The following UGT1A7 variants were observed in gnomAD, a reference collection of about 807,000 sequenced individuals.
The protein encoded by UGT1A7 is UDP-glucuronosyltransferase 1A7.
Under a neutral mutation model 45.6 loss-of-function variants are expected in UGT1A7, and 33 were observed. The observed-to-expected ratio is 0.72, with a 90% CI of 0.55 to 0.97. The LOEUF (loss-of-function observed/expected upper bound fraction) is 0.97. Among genes scored for constraint, UGT1A7 ranks in the 50% least tolerant of loss-of-function variants. The pLI, the probability that UGT1A7 is intolerant of heterozygous loss-of-function variation, is 0.00. For missense variants in UGT1A7, 684 were observed against 666.2 expected (o/e 1.03, Z -0.29); for synonymous variants, 274 against 250.6 (o/e 1.09, Z -0.88).
chr2:233,765,338 A>G lies in UGT1A7; in HGVS notation c.856-1696A>G, dbSNP rs1698804627. On this transcript the variant is annotated intron_variant, in intron 1 of 4. Transcript: ENST00000373426. ...TTATTGCAGCACTATTCACAATAAC[A>G]AAGTCATGGAACCAACCCAGATGCC... Among the ~76,000 whole-genome samples the G allele has an allele frequency of 3.9e-5, 6 of 152,242 alleles. No individual in the cohort carries two copies. In the South Asian group the frequency reaches 1.0e-3, roughly 26 times the overall value.
chr2:233,738,821 A>C (rs1039985874), intron 1 of UGT1A7: 1 of 152,270 alleles, frequency 6.6e-6, no homozygotes, highest in African/African-American at 2.4e-5. Context: ...AATTTGAATA[A>C]ATAAGGAGGA....
chr2:233,733,687 G>A (rs906292331), intron 1 of UGT1A7, among the ~76,000 whole-genome samples: 3 of 152,194 alleles, frequency 2.0e-5, no homozygotes, highest in African/African-American at 7.2e-5. Context: ...ACTTTTTGAT[G>A]TGCTGCTGGA....
chr2:233,751,938 T>C (rs1430674262), intron 1 of UGT1A7, among the ~76,000 whole-genome samples: 3 of 152,190 alleles, frequency 2.0e-5, no homozygotes, highest in South Asian at 2.1e-4. Flanking sequence ...ATTGAAGTTA[T>C]ACTGAAAGGG....
At chr2:233,690,675 G>T in intron 1 of UGT1A7, 2 of 1,262,130 alleles carry the variant, frequency 1.6e-6, no homozygotes, top group Non-Finnish European at 2.0e-6. Context: ...GGCAGGCCTG[G>T]GTCTCCAGCG....
At chr2:233,743,637 G>A (rs375962177) in intron 1 of UGT1A7, 6 of 1,367,294 alleles carry the variant, frequency 4.4e-6, no homozygotes, top group East Asian at 9.1e-5. Context: ...GCTGGGTCGC[G>A]GAAGCTGAAG....
In UGT1A7 at chr2:233,682,581, A is replaced by G. The variant is rs1415178674; in HGVS notation, c.644A>G (p.Glu215Gly). ...GTATGGAACCACATCATGCACTTGG[A>G]GGAACATTTATTTTGCCCCTATTTT... is the stretch of plus-strand genomic sequence containing the variant. The part of the protein sequence containing the change: ...ERVWNHIMHL[E>G]EHLFCPYFFK... Residue 215 changes from glutamate to glycine, a missense_variant, in exon 1 of 5, where the codon GAG becomes GGG. Transcript: ENST00000373426. 2.2e-5 allele frequency: 36 copies of G among 1,613,826 alleles called. No individual in the cohort carries two copies. Among genetic ancestry groups the G allele is most frequent in the Non-Finnish European group, 2.7e-5 (32 of 1,179,846 alleles).
chr2:233,762,039 CTG>C (rs1484213771), intron 1 of UGT1A7, among the ~76,000 whole-genome samples: 1 of 152,090 alleles, frequency 6.6e-6, no homozygotes, highest in Non-Finnish European at 1.5e-5. Flanking sequence ...TTTTAATTTT[CTG>C]TGCATTTTCC....
intron 1 of UGT1A7, chr2:233,743,896 C>A: frequency 3.7e-6 from 5 of 1,366,934 alleles, no homozygotes; most frequent in Non-Finnish European, 4.9e-6. Flanking sequence ...GCACGTCCAG[C>A]ACCTCGTAGT....
rs375974892 is a variant in UGT1A7 at position 233,760,864 on chromosome 2, G to A, written c.856-6170G>A. The A allele has an allele frequency of 8.0e-5, 129 of 1,613,862 alleles. No individual in the cohort carries two copies. Among genetic ancestry groups the A allele is most frequent in the Non-Finnish European group, 9.2e-5 (109 of 1,179,976 alleles). ...CCAGTGCCCCAACCCATTCTCCTAC[G>A]TGCCCAGGCCTCTCTCCTCTCATTC... is the stretch of plus-strand genomic sequence containing the variant. On this transcript the variant is annotated intron_variant, in intron 1 of 4. Coordinates refer to ENST00000373426, the MANE Select transcript of UGT1A7 (RefSeq NM_019077.3).
At chr2:233,699,814 A>G (rs2075525591) in intron 1 of UGT1A7, among the ~76,000 whole-genome samples, 1 of 152,256 alleles carries the variant, frequency 6.6e-6, no homozygotes, top group Non-Finnish European at 1.5e-5. Flanking sequence ...TCATCTAAAT[A>G]GTAGTTCTCA....
rs774677126 is a variant in UGT1A7, at chr2:233,772,538, C to T, written c.1572C>T (p.Ala524=). The change falls in exon 5 of 5, where the codon GCC becomes GCT. Residue 524 remains alanine (A), a synonymous_variant. Coordinates refer to ENST00000373426, the MANE Select transcript of UGT1A7 (RefSeq NM_019077.3). ...GGAAAAAAGGGCGAGTTAAGAAAGC[C>T]CACAAATCCAAGACCCATTGAGAAG... ...CLGKKGRVKK[A]HKSKTH is the part of the protein sequence containing the mutation. 4 of 1,614,040 alleles carry T rather than the reference C, an allele frequency of 2.5e-6. No individual in the cohort carries two copies. The highest frequency in any genetic ancestry group is 3.4e-6 in the Non-Finnish European group (4 of 1,179,978).
At chr2:233,743,597 T>A in intron 1 of UGT1A7, 1 of 1,367,346 alleles carries the variant, frequency 7.3e-7, no homozygotes. Flanking sequence ...GAATGGGTCC[T>A]GGCCGCCGAA....
At chr2:233,711,308 T>C (rs1455786140) in intron 1 of UGT1A7, among the ~76,000 whole-genome samples, 1 of 152,192 alleles carries the variant, frequency 6.6e-6, no homozygotes, top group Non-Finnish European at 1.5e-5. Flanking sequence ...TTAGATGACA[T>C]TGGTGTCTAA....
intron 1 of UGT1A7, among the ~76,000 whole-genome samples, chr2:233,745,089 C>T (rs542765504): frequency 6.6e-6 from 1 of 151,622 alleles, no homozygotes; most frequent in African/African-American, 2.4e-5. Context: ...ATTGCTCTTC[C>T]CCCCAAATAT....
intron 1 of UGT1A7, among the ~76,000 whole-genome samples, chr2:233,710,430 T>C (rs1440479100): frequency 6.6e-6 from 1 of 152,242 alleles, no homozygotes; most frequent in Non-Finnish European, 1.5e-5. Context: ...AGACTTGCTA[T>C]TTTTAGTCTT....
At chr2:233,738,315 GTGAA>G (rs1690761880) in intron 1 of UGT1A7, among the ~76,000 whole-genome samples, 1 of 152,192 alleles carries the variant, frequency 6.6e-6, no homozygotes, top group African/African-American at 2.4e-5. Context: ...ATAGCAGTGT[GTGAA>G]TGGACTAATA....
chr2:233,762,985 T>A (rs544731123), intron 1 of UGT1A7, among the ~76,000 whole-genome samples: 2 of 152,238 alleles, frequency 1.3e-5, no homozygotes, highest in Non-Finnish European at 2.9e-5. Flanking sequence ...GCTATTTTAG[T>A]GGAAATTGAT....
chr2:233,735,492 A>G (rs997363481), intron 1 of UGT1A7, among the ~76,000 whole-genome samples: 3 of 152,118 alleles, frequency 2.0e-5, no homozygotes, highest in African/African-American at 7.2e-5. Flanking sequence ...TTTTAATTGC[A>G]GCATTTAGCC....
At position 233,718,947 on chromosome 2, in the gene UGT1A7, A is replaced by C. The variant is rs771749966; in HGVS notation, c.855+36155A>C. On this transcript the variant is annotated intron_variant, in intron 1 of 4. Coordinates refer to ENST00000373426, the MANE Select transcript of UGT1A7 (RefSeq NM_019077.3). ...GCCCACTGATGGCAGCCCCTGGCTC[A>C]GCATGCGGGAGGCCTTGCGGGAGCT... is the stretch of plus-strand genomic sequence containing the variant. The C allele has an allele frequency of 3.1e-6, 5 of 1,613,894 alleles. No homozygotes were observed. The Admixed American group carries it at 6.7e-5, about 22-fold the overall frequency.
Sources: allele counts gnomAD v4.1 joint callset (sites outside exome capture counted in the v4.1 genomes callset), GRCh38; gene constraint gnomAD v4.1.1; transcripts MANE v1.5; gene names NCBI Gene and HGNC (gene_info 2026-07-23, HGNC 2026-07-21).